The following SGCZ variants were observed in gnomAD, a reference collection of about 807,000 sequenced individuals.
SGCZ encodes the protein zeta-sarcoglycan.
A neutral mutation model predicts 41.3 loss-of-function variants in SGCZ; 40 were observed. The observed-to-expected ratio is 0.97, with a 90% CI of 0.75 to 1.26. The LOEUF (loss-of-function observed/expected upper bound fraction) is 1.26. Among genes scored for constraint, SGCZ ranks in the 50% most tolerant of loss-of-function variants. The pLI, the probability that SGCZ is intolerant of heterozygous loss-of-function variation, is 0.00. For missense variants in SGCZ, 552 were observed against 369.8 expected, an observed-to-expected ratio of 1.49 and a Z score of -4.04; for synonymous variants, 206 against 137.5, an observed-to-expected ratio of 1.50 and a Z score of -3.49.
intron 2 of SGCZ, among the ~76,000 whole-genome samples, chr8:14,427,541 TC>T (rs1799822161): frequency 6.6e-6 from 1 of 152,102 alleles, no homozygotes; most frequent in Non-Finnish European, 1.5e-5. Flanking sequence ...TCTACTCGTC[TC>T]CCCAGGAGAT....
intron 1 of SGCZ, among the ~76,000 whole-genome samples, chr8:14,680,614 T>C (rs1808410808): frequency 6.6e-6 from 1 of 151,706 alleles, no homozygotes; most frequent in East Asian, 1.9e-4. Flanking sequence ...ATAAATACAC[T>C]GCATATATTC....
intron 1 of SGCZ, among the ~76,000 whole-genome samples, chr8:14,749,366 C>T (rs987167379): frequency 1.3e-5 from 2 of 152,108 alleles, no homozygotes; most frequent in Admixed American, 6.5e-5. Flanking sequence ...CAGAAATAGT[C>T]CCAAACTCAT....
At chr8:14,734,502 C>T (rs1041463286) in intron 1 of SGCZ, among the ~76,000 whole-genome samples, 1 of 152,158 alleles carries the variant, frequency 6.6e-6, no homozygotes, top group Non-Finnish European at 1.5e-5. Flanking sequence ...GTTTAGCAAC[C>T]CAAGGAACTT....
intron 1 of SGCZ, among the ~76,000 whole-genome samples, chr8:14,827,001 T>C (rs1802349181): frequency 6.6e-6 from 1 of 152,108 alleles, no homozygotes; most frequent in Non-Finnish European, 1.5e-5. Flanking sequence ...AGACATGAAG[T>C]CCTTGCCCAT....
intron 1 of SGCZ, among the ~76,000 whole-genome samples, chr8:15,166,792 G>T (rs1294573817): frequency 6.6e-6 from 1 of 152,094 alleles, no homozygotes. Flanking sequence ...CCTCTTCAAG[G>T]GTGGTTTATA....
intron 1 of SGCZ, among the ~76,000 whole-genome samples, chr8:14,665,480 C>T (rs1018214104): frequency 4.6e-5 from 7 of 152,126 alleles, no homozygotes; most frequent in South Asian, 2.1e-4. Flanking sequence ...CATACGTGTG[C>T]GTGTCTTTAT....
intron 1 of SGCZ, among the ~76,000 whole-genome samples, chr8:14,850,166 T>C (rs1803264229): frequency 1.3e-5 from 2 of 152,208 alleles, no homozygotes; most frequent in Admixed American, 6.5e-5. Flanking sequence ...AAGTATCTCA[T>C]ATTATCTCAG....
At chr8:15,112,107 G>T (rs925339806) in intron 1 of SGCZ, among the ~76,000 whole-genome samples, 1 of 152,072 alleles carries the variant, frequency 6.6e-6, no homozygotes, top group African/African-American at 2.4e-5. Flanking sequence ...GAGCATTTCA[G>T]CCTCCAACTA....
At chr8:14,119,457 TTG>T (rs757378594) in intron 5 of SGCZ, among the ~76,000 whole-genome samples, 2 of 152,212 alleles carry the variant, frequency 1.3e-5, no homozygotes, top group Non-Finnish European at 2.9e-5. Flanking sequence ...TAAGGAGATT[TTG>T]GGCTCAGACA....
intron 1 of SGCZ, among the ~76,000 whole-genome samples, chr8:14,924,522 T>G (rs1038378809): frequency 7.0e-6 from 1 of 143,866 alleles, no homozygotes; most frequent in Admixed American, 7.2e-5. Flanking sequence ...TAACTTAAAT[T>G]ATCATGAATA....
At chr8:14,562,091 GA>G (rs929733156) in intron 1 of SGCZ, among the ~76,000 whole-genome samples, 3 of 152,064 alleles carry the variant, frequency 2.0e-5, no homozygotes, top group Admixed American at 2.0e-4. Context: ...TGGTATGGGA[GA>G]AAAAATAACT....
chr8:14,627,394 T>C (rs970943252), intron 1 of SGCZ, among the ~76,000 whole-genome samples: 2 of 152,240 alleles, frequency 1.3e-5, no homozygotes, highest in East Asian at 1.9e-4. Context: ...GAACATCTAA[T>C]ACCTAATTTT....
chr8:14,366,855 C>G, intron 2 of SGCZ, among the ~76,000 whole-genome samples: 1 of 152,206 alleles, frequency 6.6e-6, no homozygotes, highest in East Asian at 1.9e-4. Flanking sequence ...TTTTTTCCCT[C>G]CTAGGCCTCT....
rs1801468498 is a variant in SGCZ, at chr8:14,309,784, T to C, written c.336+14319A>G. Reference sequence around the variant, plus strand: ...GAGTGGACTGCATTTAAATTTCATTTCCATCTAAATGTTACTAAGGTATAA... The same window carrying C: ...GAGTGGACTGCATTTAAATTTCATTCCCATCTAAATGTTACTAAGGTATAA... On this transcript the variant is annotated intron_variant, in intron 3 of 7. Transcript: ENST00000382080. 3 of 1,449,096 alleles carry C rather than the reference T, an allele frequency of 2.1e-6. No homozygotes were observed. In the African/African-American group the frequency reaches 4.2e-5, roughly 20 times the overall value. 89.8% of individuals were successfully genotyped at this position (1,449,096 alleles called of 1,614,324 possible).
chr8:14,329,563 T>G (rs1335074291), intron 2 of SGCZ, among the ~76,000 whole-genome samples: 1 of 152,000 alleles, frequency 6.6e-6, no homozygotes, highest in African/African-American at 2.4e-5. Flanking sequence ...ACTGTTTATA[T>G]TGTTATTTTA....
intron 1 of SGCZ, among the ~76,000 whole-genome samples, chr8:14,789,316 T>C (rs1800874184): frequency 6.6e-6 from 1 of 152,166 alleles, no homozygotes; most frequent in Non-Finnish European, 1.5e-5. Flanking sequence ...TTCAACCTCA[T>C]CTGGGAATAT....
At chr8:15,030,129 T>G (rs964260116) in intron 1 of SGCZ, among the ~76,000 whole-genome samples, 5 of 152,132 alleles carry the variant, frequency 3.3e-5, no homozygotes, top group Non-Finnish European at 7.4e-5. Flanking sequence ...ATAGCAGCAT[T>G]GTGTACAAGA....
chr8:15,116,915 A>G (rs893922752), intron 1 of SGCZ, among the ~76,000 whole-genome samples: 1 of 152,260 alleles, frequency 6.6e-6, no homozygotes, highest in African/African-American at 2.4e-5. Flanking sequence ...TTAGGGATAT[A>G]AACTGTATAA....
Position 15,236,609 on chromosome 8 carries a change from A to C in SGCZ, c.39+976T>G, listed in dbSNP as rs148791558. On this transcript the variant is annotated intron_variant, in intron 1 of 7. Coordinates refer to ENST00000382080, the MANE Select transcript of SGCZ (RefSeq NM_139167.4). ...CGCTTTTTCGTTTACGGTGAGCGGG[A>C]CATTTAAAGTATTTTGTGGTTTGTT... Among the ~76,000 whole-genome samples, 974 of 152,220 alleles carry C rather than the reference A, an allele frequency of 6.4e-3. 6 individuals are homozygous for C. The highest frequency in any genetic ancestry group is 8.9e-3 in the Non-Finnish European group (605 of 68,002).
Sources: gnomAD v4.1 joint callset for allele counts (sites outside exome capture counted in the v4.1 genomes callset) on GRCh38, gnomAD v4.1.1 for gene constraint, MANE v1.5 for transcripts, NCBI Gene and HGNC (gene_info 2026-07-23, HGNC 2026-07-21) for gene names.